CDAN1: variants seen among roughly 807,000 people sequenced by gnomAD.
CDAN1 encodes codanin-1.
CDAN1 carries 107 observed loss-of-function variants against 139.8 expected under a neutral mutation model. The observed-to-expected ratio is 0.77, with a 90% CI of 0.65 to 0.90. The LOEUF is 0.90. Ranked by LOEUF, CDAN1 falls within the 40% of genes least tolerant of loss-of-function variation. The pLI is 0.00. For synonymous variants in CDAN1, 776 were observed against 660.6 expected, an observed-to-expected ratio of 1.17 and a Z score of -2.68; for missense variants, 1,667 against 1,575.7, an observed-to-expected ratio of 1.06 and a Z score of -0.98.
At chr15:42,730,062 AC>A (rs1349729525) in intron 15 of CDAN1, 65 bp downstream of exon 15, 7 of 1,462,296 alleles carry the variant, frequency 4.8e-6, no homozygotes, top group Non-Finnish European at 6.7e-6. Flanking sequence ...TCGCACTCAG[AC>A]ATTTGCCCAC....
At chr15:42,729,496 G>A in intron 17 of CDAN1, 72 bp downstream of exon 17, 1 of 1,605,954 alleles carries the variant, frequency 6.2e-7, no homozygotes. Context: ...AAGGGAGCTG[G>A]GCCAAGGGGG....
Position 42,729,323 on chromosome 15 carries a change from C to T in CDAN1, c.2447G>A (p.Ser816Asn). The stretch of plus-strand genomic sequence containing the variant: ...CATGAAGCCCCCACTCCGTCCACTA[C>T]TGCCTGACACCCACGAAGCGAGCAG... ...RKLLASWVSGSSGRSGGFMRK... is the reference protein window; with the variant it reads ...RKLLASWVSGNSGRSGGFMRK... Residue 816 changes from serine to asparagine, a missense_variant, in exon 18 of 28, where the codon AGT becomes AAT. Physicochemically the swap from Ser to Asn is conservative, Grantham distance 46. Transcript: ENST00000356231. 1.1e-5 allele frequency: 17 copies of T among 1,614,182 alleles called. No individual in the cohort carries two copies. The highest frequency in any genetic ancestry group is 1.4e-5 in the Non-Finnish European group (17 of 1,180,022).
chr15:42,736,518 C>T lies in CDAN1; in HGVS notation c.353G>A (p.Arg118His), dbSNP rs868665182. The T allele has an allele frequency of 4.2e-6, 6 of 1,416,240 alleles. No homozygotes were observed. The highest frequency in any genetic ancestry group is 2.3e-4 in the Middle Eastern group (1 of 4,366). 87.7% of individuals were successfully genotyped at this position (1,416,240 alleles called of 1,614,324 possible). ...CCCCGGGCCCCGCCTCCTGCCCCCG[C>T]GGCGGGCCAGAGGGGCCTCGGCAGC... Reference protein sequence around the residue: ...STAAEAPLARRGGRRRGPGPA... With the variant: ...STAAEAPLARHGGRRRGPGPA... Residue 118 changes from arginine (R) to histidine (H), a missense_variant, in exon 2 of 28, where the codon CGC becomes CAC. Coordinates refer to ENST00000356231, the MANE Select transcript of CDAN1 (RefSeq NM_138477.4).
chr15:42,724,491 C>T lies in CDAN1; in HGVS notation c.3684G>A (p.Ter1228=). 6.3e-7 allele frequency: 1 copy of T among 1,577,300 alleles called. No homozygotes were observed. The highest frequency in any genetic ancestry group is 8.6e-7 in the Non-Finnish European group (1 of 1,160,374). Residue 1228 remains the stop codon, a stop_retained_variant, in exon 28 of 28, where the codon TAG becomes TAA. Coordinates refer to ENST00000356231, the MANE Select transcript of CDAN1 (RefSeq NM_138477.4). The stretch of plus-strand genomic sequence containing the variant: ...CCCAAGGCAGGGCCACTTCTCAGCC[C>T]TAGCTCTGGGCCAGCACAGTGCCCC... ...PNRGTVLAQS[*] is the part of the protein sequence containing the mutation.
At chr15:42,727,809 G>C in intron 22 of CDAN1, 40 bp from the exon 23 acceptor site, 1 of 1,610,806 alleles carries the variant, frequency 6.2e-7, no homozygotes, top group Non-Finnish European at 8.5e-7. Context: ...ATCACGGGAG[G>C]GCCCTGCACA....
intron 27 of CDAN1, chr15:42,724,865 C>G (rs1350121533): frequency 4.9e-6 from 3 of 606,600 alleles, no homozygotes; most frequent in Non-Finnish European, 8.7e-6. Flanking sequence ...TCTACTTCAT[C>G]TTGAAATTAT....
intron 8 of CDAN1, 58 bp from the exon 9 acceptor site, chr15:42,733,244 C>A: frequency 1.4e-6 from 2 of 1,427,360 alleles, no homozygotes; most frequent in African/African-American, 1.4e-5. Context: ...TGCCTTCCTG[C>A]CCCTGGAAGA....
At chr15:42,735,200 G>A (rs2140505545) in intron 5 of CDAN1, 22 bp from the exon 6 acceptor site, 1 of 1,608,400 alleles carries the variant, frequency 6.2e-7, no homozygotes, top group East Asian at 2.2e-5. Context: ...GTACCAAGCT[G>A]TCAGTTAAGA....
intron 8 of CDAN1, 112 bp downstream of exon 8, chr15:42,733,826 C>G (rs1244138539): frequency 1.3e-6 from 1 of 797,848 alleles, no homozygotes; most frequent in Non-Finnish European, 2.2e-6. Flanking sequence ...CCTGGGGGGA[C>G]TAACCCACCA....
In CDAN1 at chr15:42,734,506, CA is replaced by C. The variant is rs2061660472; in HGVS notation, c.1137-161del. 2.0e-5 allele frequency among the ~76,000 whole-genome samples: 3 copies of C among 152,182 alleles called. No homozygotes were observed. The South Asian group carries it at 6.2e-4, about 31-fold the overall frequency. ...GCCAAGGATCAAAGATAATGAAAGT[CA>C]AGGGGAGGATATGAGACTTTACAGA... is the stretch of plus-strand genomic sequence containing the variant. On this transcript the variant is annotated intron_variant, in intron 6 of 27. Transcript: ENST00000356231.
chr15:42,735,760 C>G lies in CDAN1; in HGVS notation c.774-81G>C, dbSNP rs945493215. The G allele has an allele frequency of 3.2e-6, 5 of 1,584,574 alleles. No individual in the cohort carries two copies. In the African/African-American group the frequency reaches 6.7e-5, roughly 21 times the overall value. ...ACTCAGGTCACTCCAGAGAAGATAC[C>G]AACAGCCCAGGAGACAAACCCAGAG... is the stretch of plus-strand genomic sequence containing the variant. On this transcript the variant is annotated intron_variant, in intron 3 of 27. Transcript: ENST00000356231.
Position 42,735,340 on chromosome 15 carries a change from G to A in CDAN1, c.978C>T (p.Phe326=). The A allele has an allele frequency of 6.2e-7, 1 of 1,609,202 alleles. No homozygotes were observed. The highest frequency in any genetic ancestry group is 1.1e-5 in the South Asian group (1 of 89,920). ...NLVPNLFLEL[F]FVFQLLTARR... ...GGGCAGTGAGGAGCTGAAAGACGAA[G>A]AAAAGCTCCAAGAAGAGGTTTGGTA... Residue 326 remains phenylalanine (F), a synonymous_variant, in exon 5 of 28, where the codon TTC becomes TTT. Transcript: ENST00000356231.
intron 6 of CDAN1, among the ~76,000 whole-genome samples, chr15:42,734,700 G>T (rs1345414663): frequency 6.6e-6 from 1 of 151,582 alleles, no homozygotes; most frequent in Admixed American, 6.6e-5. Flanking sequence ...CTACAGCCTG[G>T]ACCTCCCAGG....
intron 3 of CDAN1, 65 bp from the exon 4 acceptor site, chr15:42,735,744 A>C: frequency 6.3e-7 from 1 of 1,591,206 alleles, no homozygotes; most frequent in South Asian, 1.1e-5. Context: ...CACTCAGGTC[A>C]CTCCAGAGAA....
At chr15:42,728,552 C>G (rs1445369341) in intron 20 of CDAN1, 100 bp downstream of exon 20, 2 of 1,493,098 alleles carry the variant, frequency 1.3e-6, no homozygotes, top group African/African-American at 2.8e-5. Context: ...AAAAAGGAGG[C>G]ATGAAGAGAA....
chr15:42,736,393 T>A lies in CDAN1; in HGVS notation c.478A>T (p.Ser160Cys). The change falls in exon 2 of 28, where the codon AGC becomes TGC. Residue 160 changes from serine to cysteine, a missense_variant. By Grantham distance (112) the Ser-to-Cys change is moderately radical. This residue lies in a region of CDAN1 where 487 missense variants were observed against 422.2 expected (regional missense o/e 1.15). Coordinates refer to ENST00000356231, the MANE Select transcript of CDAN1 (RefSeq NM_138477.4). ...GRRLRGSGSP[S>C]RPSLTLSDPP... ...TCAGACAGCGTGAGGCTGGGGCGGC[T>A]GGGGCTGCCAGAGCCCCTAAGCCTC... 6.2e-7 allele frequency: 1 copy of A among 1,612,558 alleles called. No individual in the cohort carries two copies.
chr15:42,730,314 A>G (rs997551207), intron 14 of CDAN1, 99 bp from the exon 15 acceptor site: 5 of 1,153,796 alleles, frequency 4.3e-6, no homozygotes, highest in Non-Finnish European at 5.2e-6. Context: ...GCAGAACTAA[A>G]AGGGACTGGG....
rs756900114 is a variant in CDAN1 at position 42,730,229 on chromosome 15, G to A, written c.2175-14C>T. ...AACACCAAGCTCCTGAAACATCAAT[G>A]GGCAGTACACGGGTTTGAGCAGAAA... On this transcript the variant is annotated splice_polypyrimidine_tract_variant and intron_variant, in intron 14 of 27. Coordinates refer to ENST00000356231, the MANE Select transcript of CDAN1 (RefSeq NM_138477.4). The A allele has an allele frequency of 2.5e-6, 4 of 1,610,368 alleles. No individual in the cohort carries two copies. Among genetic ancestry groups the A allele is most frequent in the Non-Finnish European group, 3.4e-6 (4 of 1,176,576 alleles).
Position 42,729,592 on chromosome 15 carries a change from G to A in CDAN1, c.2383C>T (p.Leu795Phe). 6.2e-7 allele frequency: 1 copy of A among 1,613,846 alleles called. No homozygotes were observed. Among genetic ancestry groups the A allele is most frequent in the African/African-American group, 1.3e-5 (1 of 74,940 alleles). The change falls in exon 17 of 28, where the codon CTC becomes TTC. Residue 795 changes from leucine to phenylalanine, a missense_variant. Physicochemically the swap from Leu to Phe is conservative, Grantham distance 22. Coordinates refer to ENST00000356231, the MANE Select transcript of CDAN1 (RefSeq NM_138477.4). ...CCGATGTAGGGGCAGCAGGTGTAGA[G>A]CAGCTGCTGGTCCACCACAGGCGCA... is the stretch of plus-strand genomic sequence containing the variant. ...DNAPVVDQQL[L>F]YTCCPYIGEL... is the part of the protein sequence containing the mutation.
Sources: gnomAD v4.1 joint callset for allele counts (sites outside exome capture counted in the v4.1 genomes callset) on GRCh38, gnomAD v4.1.1 for gene constraint, gnomAD v4.1.1 regional missense constraint, MANE v1.5 for transcripts, NCBI Gene and HGNC (gene_info 2026-07-23, HGNC 2026-07-21) for gene names.